Variants in LIPE observed in about 807,000 individuals in gnomAD.
LIPE encodes the protein lipase E, hormone sensitive type.
A neutral mutation model predicts 88.5 loss-of-function variants in LIPE; 66 were observed. The ratio of observed to expected loss-of-function variants is 0.75; its 90% CI spans 0.61 to 0.91. The LOEUF is 0.91. Ranked by LOEUF, LIPE falls within the 40% of genes least tolerant of loss-of-function variation. The pLI is 0.00. For missense variants in LIPE, 1,346 were observed against 1,434.7 expected, an observed-to-expected ratio of 0.94 and a Z score of 1.00; for synonymous variants, 570 against 617.5, an observed-to-expected ratio of 0.92 and a Z score of 1.14.
chr19:42,407,702 G>T lies in LIPE; in HGVS notation c.1746C>A (p.Asp582Glu). Residue 582 changes from aspartate to glutamate, a missense_variant, in exon 5 of 10, where the codon GAC (aspartate) becomes GAA (glutamate). By Grantham distance (45) the Asp-to-Glu change is conservative. Transcript: ENST00000244289. The surrounding 1 kb of genome is among the most constrained non-coding windows in gnomAD (Gnocchi z 5.8). Reference sequence around the variant, plus strand: ...GTGAGATGGTGACCGTGAGCGTGGGGTCGGCAGTCAGTGGCATCTCAAAGG... The same window carrying T: ...GTGAGATGGTGACCGTGAGCGTGGGTTCGGCAGTCAGTGGCATCTCAAAGG... The part of the protein sequence containing the change: ...PEAFEMPLTA[D>E]PTLTVTISPP... 1.1e-5 allele frequency: 18 copies of T among 1,591,264 alleles called. No individual in the cohort carries two copies. The highest frequency in any genetic ancestry group is 1.5e-5 in the Non-Finnish European group (18 of 1,170,050).
At chr19:42,419,247 C>T (rs1347629726) in intron 1 of LIPE, among the ~76,000 whole-genome samples, 2 of 152,160 alleles carry the variant, frequency 1.3e-5, no homozygotes, top group Admixed American at 6.5e-5. Context: ...CATTGCACTC[C>T]AGCCTCGGCA....
rs760941410 is a variant in LIPE, at chr19:42,405,486, G to T, written c.2441C>A (p.Ala814Asp). The T allele has an allele frequency of 1.2e-6, 2 of 1,614,088 alleles. No homozygotes were observed. Among genetic ancestry groups the T allele is most frequent in the Non-Finnish European group, 1.7e-6 (2 of 1,179,992 alleles). Residue 814 changes from alanine to aspartate, a missense_variant, in exon 8 of 10, where the codon GCC becomes GAC. Coordinates refer to ENST00000244289, the MANE Select transcript of LIPE (RefSeq NM_005357.4). ...GMMGLVRRDTALLLRDFRLGA... is the reference protein window; with the variant it reads ...GMMGLVRRDTDLLLRDFRLGA... ...CAGGCGGAAGTCTCGGAGGAGCAGG[G>T]CTGTGTCCCGCCGCACCAGCCCCAT...
At position 42,407,340 on chromosome 19, in the gene LIPE, G is replaced by A. The variant is rs141660152; in HGVS notation, c.1971C>T (p.Ala657=). The change falls in exon 6 of 10, where the codon GCC becomes GCT. Residue 657 remains alanine (A), a synonymous_variant. Transcript: ENST00000244289. This position sits in a 1 kb window ranked among gnomAD's most constrained non-coding sequence, Gnocchi z 5.8. ...AGGGCTCGTGGGATCTGGAGGTCTG[G>A]GCCACAAAGCCACCGCCGTGGAAGT... The part of the protein sequence containing the change: ...IVHFHGGGFV[A]QTSRSHEPYL... 1 of 1,612,650 alleles carries A rather than the reference G, an allele frequency of 6.2e-7. No homozygotes were observed. The highest frequency in any genetic ancestry group is 1.3e-5 in the African/African-American group (1 of 74,882).
chr19:42,401,719 C>T lies in LIPE; in HGVS notation c.*93G>A, dbSNP rs1220699747. 4.3e-6 allele frequency: 3 copies of T among 702,812 alleles called. No homozygotes were observed. The highest frequency in any genetic ancestry group is 6.1e-6 in the Non-Finnish European group (3 of 489,304). The allele number at this position is 702,812 out of a possible 1,614,324, so 43.5% of individuals were successfully genotyped here. A position where few individuals can be genotyped will look rare whatever the true frequency, so the allele number is the denominator to read the frequency against. ...GGCCCCCGCCCCGCCCCCTTGCCAC[C>T]CCCGACTTAAGTAAGGCACAGCCCG... On this transcript the variant is annotated 3_prime_UTR_variant, in exon 10 of 10. Transcript: ENST00000244289.
chr19:42,402,126 CG>C, intron 9 of LIPE, 51 bp from the exon 10 acceptor site: 2 of 1,412,568 alleles, frequency 1.4e-6, no homozygotes, highest in Non-Finnish European at 1.9e-6. Context: ...ACAGACAGAC[CG>C]GGGTCGGGTA....
intron 7 of LIPE, 184 bp from the exon 8 acceptor site, chr19:42,405,745 G>C (rs896105169): frequency 3.2e-6 from 2 of 616,884 alleles, no homozygotes; most frequent in Non-Finnish European, 5.5e-6. Context: ...CAAGGCGAGA[G>C]GATGGCTTGA....
Position 42,426,353 on chromosome 19 carries a change from G to C in LIPE, c.797C>G (p.Ser266Cys). ...GTATCCTGACATCACTTTATAACCA[G>C]ATTTTCCTTTGAAGCCTAGCTTCAC... ...QGVKLGFKGKSGYKVMSGYSG... is the reference protein window; with the variant it reads ...QGVKLGFKGKCGYKVMSGYSG... The change falls in exon 1 of 10, where the codon TCT becomes TGT. Residue 266 changes from serine to cysteine, a missense_variant. Physicochemically the swap from Ser to Cys is moderately radical, Grantham distance 112. Transcript: ENST00000244289. The C allele has an allele frequency of 1.2e-6, 2 of 1,613,898 alleles. No individual in the cohort carries two copies. Among genetic ancestry groups the C allele is most frequent in the African/African-American group, 2.7e-5 (2 of 74,958 alleles).
rs184168266 is a variant in LIPE at position 42,406,906 on chromosome 19, G to C, written c.2137+268C>G. 1.4e-4 allele frequency among the ~76,000 whole-genome samples: 22 copies of C among 152,228 alleles called. No individual in the cohort carries two copies. Among genetic ancestry groups the C allele is most frequent in the African/African-American group, 4.8e-4 (20 of 41,536 alleles). On this transcript the variant is annotated intron_variant, in intron 6 of 9. Coordinates refer to ENST00000244289, the MANE Select transcript of LIPE (RefSeq NM_005357.4). This position sits in a 1 kb window ranked among gnomAD's most constrained non-coding sequence, Gnocchi z 5.7. ...TGGTAGGACAGGAGAGCAGGGCCTGGAGCTATCAGAGGGGGACGACAGAGG... is the reference window on the plus strand; with the variant it reads ...TGGTAGGACAGGAGAGCAGGGCCTGCAGCTATCAGAGGGGGACGACAGAGG...
rs1405301701 is a variant in LIPE at position 42,410,720 on chromosome 19, C to T, written c.1006G>A (p.Gly336Ser). Residue 336 changes from glycine (G) to serine (S), a missense_variant, in exon 2 of 10, where the codon GGC becomes AGC. Coordinates refer to ENST00000244289, the MANE Select transcript of LIPE (RefSeq NM_005357.4). This position sits in a 1 kb window ranked among gnomAD's most constrained non-coding sequence, Gnocchi z 6.1. Reference protein sequence around the residue: ...GPGETAQRLSGVFAGVREQAL... With the variant: ...GPGETAQRLSSVFAGVREQAL... ...TGCTCCCGTACACCGGCAAAAACGC[C>T]TGACAGCCGCTGGGCCGTTTCCCCA... 1.2e-6 allele frequency: 2 copies of T among 1,613,916 alleles called. No homozygotes were observed. Among genetic ancestry groups the T allele is most frequent in the Admixed American group, 3.3e-5 (2 of 60,026 alleles).
At chr19:42,423,164 C>A in intron 1 of LIPE, 1 of 299,788 alleles carries the variant, frequency 3.3e-6, no homozygotes, top group South Asian at 2.4e-5. Context: ...GAACCCTGGT[C>A]CACGAAGCTC....
chr19:42,419,921 G>A (rs1012075949), intron 1 of LIPE, among the ~76,000 whole-genome samples: 1 of 151,962 alleles, frequency 6.6e-6, no homozygotes, highest in Non-Finnish European at 1.5e-5. Context: ...TAGGGATCGA[G>A]TCTAGCTGTG....
rs2039977373 is a variant in LIPE at position 42,401,786 on chromosome 19, C to T, written c.*26G>A. ...GCCCGGAAGGCATTCATGACGGAGG[C>T]CGGCGCAGATGGGAACAACAGGCTT... On this transcript the variant is annotated 3_prime_UTR_variant, in exon 10 of 10. Transcript: ENST00000244289. 1.5e-6 allele frequency: 2 copies of T among 1,293,142 alleles called. No homozygotes were observed. The highest frequency in any genetic ancestry group is 1.6e-5 in the African/African-American group (1 of 62,654). 80.1% of individuals were successfully genotyped at this position (1,293,142 alleles called of 1,614,324 possible). A position where few individuals can be genotyped will look rare whatever the true frequency, so the allele number is the denominator to read the frequency against.
Position 42,408,206 on chromosome 19 carries a change from G to A in LIPE, c.1510+26C>T, listed in dbSNP as rs750426287. Reference sequence around the variant, plus strand: ...GGGAGGAGGGCCAAGAGAGTAGGCTGCGAGTAGAACCTGGCTGGGACTCAC... The same window carrying A: ...GGGAGGAGGGCCAAGAGAGTAGGCTACGAGTAGAACCTGGCTGGGACTCAC... On this transcript the variant is annotated intron_variant, in intron 3 of 9. Coordinates refer to ENST00000244289, the MANE Select transcript of LIPE (RefSeq NM_005357.4). This position sits in a 1 kb window ranked among gnomAD's most constrained non-coding sequence, Gnocchi z 4.3. 10 of 1,613,544 alleles carry A rather than the reference G, an allele frequency of 6.2e-6. No homozygotes were observed. The Admixed American group carries it at 1.7e-4, about 27-fold the overall frequency.
chr19:42,415,676 G>C (rs2040471996), intron 1 of LIPE, among the ~76,000 whole-genome samples: 2 of 152,270 alleles, frequency 1.3e-5, no homozygotes, highest in African/African-American at 4.8e-5. Flanking sequence ...CGGGCGTGGT[G>C]GTGGGTGCCT....
At chr19:42,421,116 C>T (rs1351436704) in intron 1 of LIPE, among the ~76,000 whole-genome samples, 3 of 152,250 alleles carry the variant, frequency 2.0e-5, no homozygotes, top group Admixed American at 1.3e-4. Context: ...CCACGCTGGC[C>T]TCAAACTCCT....
Position 42,410,325 on chromosome 19 carries a change from G to A in LIPE, c.1401C>T (p.Gly467=). ...GGCTCACCTGGAAGCCCAGGCAGCG[G>A]CCATAGAAGCATCCCTTATGCAGCG... ...YVTLHKGCFY[G]RCLGFQFTPA... Residue 467 remains glycine (G), a synonymous_variant, in exon 2 of 10, where the codon GGC becomes GGT. Coordinates refer to ENST00000244289, the MANE Select transcript of LIPE (RefSeq NM_005357.4). The surrounding 1 kb of genome is among the most constrained non-coding windows in gnomAD (Gnocchi z 6.1). The A allele has an allele frequency of 1.9e-6, 3 of 1,595,376 alleles. No individual in the cohort carries two copies. Among genetic ancestry groups the A allele is most frequent in the Middle Eastern group, 1.7e-4 (1 of 6,034 alleles).
At position 42,410,589 on chromosome 19, in the gene LIPE, T is replaced by C. The variant is rs2040345172; in HGVS notation, c.1137A>G (p.Thr379=). The change falls in exon 2 of 10, where the codon ACA becomes ACG. Residue 379 remains threonine, a synonymous_variant. Coordinates refer to ENST00000244289, the MANE Select transcript of LIPE (RefSeq NM_005357.4). This position sits in a 1 kb window ranked among gnomAD's most constrained non-coding sequence, Gnocchi z 6.1. The part of the protein sequence containing the change: ...PANGYRSLVH[T]ARCCLAHLLH... Reference sequence around the variant, plus strand: ...GGAGGTGCGCCAGGCAGCAGCGGGCTGTGTGCACTAGGCTGCGGTACCCGT... The same window carrying C: ...GGAGGTGCGCCAGGCAGCAGCGGGCCGTGTGCACTAGGCTGCGGTACCCGT... 1 of 1,613,194 alleles carries C rather than the reference T, an allele frequency of 6.2e-7. No homozygotes were observed. Among genetic ancestry groups the C allele is most frequent in the Non-Finnish European group, 8.5e-7 (1 of 1,179,944 alleles).
chr19:42,424,656 G>A (rs751535409), intron 1 of LIPE: 3 of 456,202 alleles, frequency 6.6e-6, no homozygotes, highest in Non-Finnish European at 1.3e-5. Context: ...CGGAGGGGCC[G>A]CCATTGCCTG....
chr19:42,410,045 A>G lies in LIPE; in HGVS notation c.1419+262T>C, dbSNP rs1398565166. On this transcript the variant is annotated intron_variant, in intron 2 of 9. Transcript: ENST00000244289. The surrounding 1 kb of genome is among the most constrained non-coding windows in gnomAD (Gnocchi z 6.1). The stretch of plus-strand genomic sequence containing the variant: ...TGAATACATCTCTTGCATGTAGGAC[A>G]ATAGAGAGTAGTGGATATCCTGGTG... Among the ~76,000 whole-genome samples, 1 of 152,162 alleles carries G rather than the reference A, an allele frequency of 6.6e-6. No individual in the cohort carries two copies. The highest frequency in any genetic ancestry group is 2.4e-5 in the African/African-American group (1 of 41,416).
Sources: allele counts gnomAD v4.1 joint callset (sites outside exome capture counted in the v4.1 genomes callset), GRCh38; gene constraint gnomAD v4.1.1; non-coding constraint Gnocchi (gnomAD v3.1); transcripts MANE v1.5; gene names NCBI Gene and HGNC (gene_info 2026-07-23, HGNC 2026-07-21).